Variants in LARGE1 observed in about 807,000 individuals in gnomAD.
LARGE1 encodes LARGE xylosyl- and glucuronyltransferase 1, also known as xylosyl- and glucuronyltransferase LARGE1.
In LARGE1, 43 loss-of-function variants were observed where a neutral mutation model predicts 87.6. The ratio of observed to expected loss-of-function variants is 0.49; its 90% CI spans 0.38 to 0.63. The LOEUF (loss-of-function observed/expected upper bound fraction) is 0.63. Ranked by LOEUF, LARGE1 falls within the 30% of genes least tolerant of loss-of-function variation. The pLI, the probability that LARGE1 is intolerant of heterozygous loss-of-function variation, is 0.00. For synonymous variants in LARGE1, 434 were observed against 394.6 expected (o/e 1.10, Z -1.18); for missense variants, 802 against 1,000.2 (o/e 0.80, Z 2.67).
upstream of LARGE1, among the ~76,000 whole-genome samples, chr22:33,921,318 T>C (rs2065945400): frequency 6.6e-6 from 1 of 152,032 alleles, no homozygotes; most frequent in South Asian, 2.1e-4. The surrounding 1 kb of genome is among the most constrained non-coding windows in gnomAD (Gnocchi z 4.1). Flanking sequence ...CCGCCCTTCT[T>C]CCCCCAACCC....
chr22:33,908,541 G>C lies in LARGE1; in HGVS notation c.-83+11454C>G, dbSNP rs572854507. On this transcript the variant is annotated intron_variant, in intron 1 of 14. Coordinates refer to ENST00000397394, the MANE Select transcript of LARGE1 (RefSeq NM_133642.5). ...GTTACAGATTGATGATGCATGAAAT[G>C]GGGGGTGGCCAGGGGTGGGGGGTGA... Among the ~76,000 whole-genome samples the C allele has an allele frequency of 2.0e-5, 3 of 151,338 alleles. No individual in the cohort carries two copies. The East Asian group carries it at 5.9e-4, about 30-fold the overall frequency.
intron 2 of LARGE1, among the ~76,000 whole-genome samples, chr22:33,651,242 A>AAAAAAAAAAAAAAAAAAAAAC (rs2080799831): frequency 6.9e-6 from 1 of 144,924 alleles, no homozygotes; most frequent in Non-Finnish European, 1.5e-5. Context: ...AAAAAAAAAA[A>AAAAAAAAAAAAAAAAAAAAAC]TTAGCCGGGC....
At chr22:33,198,424 A>G (rs1388558969) in intron 11 of LARGE1, among the ~76,000 whole-genome samples, 2 of 152,100 alleles carry the variant, frequency 1.3e-5, no homozygotes, top group Middle Eastern at 3.4e-3. Context: ...CTTTTATTAA[A>G]TTTTTATTTT....
At chr22:33,541,638 T>C (rs2077213292) in intron 6 of LARGE1, among the ~76,000 whole-genome samples, 2 of 152,160 alleles carry the variant, frequency 1.3e-5, no homozygotes, top group Admixed American at 6.5e-5. Flanking sequence ...GTTTTTTCCT[T>C]CACTATTACA....
intron 1 of LARGE1, among the ~76,000 whole-genome samples, chr22:33,763,537 A>T (rs1272248073): frequency 7.9e-5 from 12 of 152,214 alleles, no homozygotes; most frequent in Admixed American, 7.9e-4. Context: ...AATAAGAACC[A>T]CCAAGTCCCG....
At chr22:33,864,778 C>T (rs2064036586) in intron 1 of LARGE1, among the ~76,000 whole-genome samples, 2 of 152,208 alleles carry the variant, frequency 1.3e-5, no homozygotes, top group Middle Eastern at 3.2e-3. Flanking sequence ...CCCGTGGCCA[C>T]ATTTTTCCTC....
At chr22:33,617,050 T>C (rs949014499) in intron 4 of LARGE1, among the ~76,000 whole-genome samples, 2 of 152,230 alleles carry the variant, frequency 1.3e-5, no homozygotes, top group Non-Finnish European at 2.9e-5. Context: ...CCTGCTCTGC[T>C]TCTGTTTCTG....
At chr22:33,862,200 C>T (rs1202748748) in intron 1 of LARGE1, among the ~76,000 whole-genome samples, 2 of 152,092 alleles carry the variant, frequency 1.3e-5, no homozygotes, top group African/African-American at 4.8e-5. Flanking sequence ...CCTCTGTCCT[C>T]GAGAGCTCAC....
At chr22:33,592,567 A>G (rs2078870608) in intron 5 of LARGE1, among the ~76,000 whole-genome samples, 1 of 152,154 alleles carries the variant, frequency 6.6e-6, no homozygotes. Flanking sequence ...TGTGTTTTAA[A>G]ATGGCTGTGA....
chr22:33,371,661 TA>T (rs2064812007), intron 9 of LARGE1, among the ~76,000 whole-genome samples: 1 of 152,190 alleles, frequency 6.6e-6, no homozygotes, highest in Non-Finnish European at 1.5e-5. Flanking sequence ...GGTGAATTGT[TA>T]AAAATCAGTA....
chr22:33,222,297 G>A (rs758530083), intron 11 of LARGE1, among the ~76,000 whole-genome samples: 1 of 152,176 alleles, frequency 6.6e-6, no homozygotes, highest in Non-Finnish European at 1.5e-5. Flanking sequence ...TAGGGGTGAG[G>A]GGTCTAGAAG....
At chr22:33,918,140 T>C (rs5754757) in intron 1 of LARGE1, among the ~76,000 whole-genome samples, 126,060 of 152,152 alleles carry the variant, frequency 0.83, 52,406 homozygotes, top group East Asian at 1. Flanking sequence ...CCGAGACCTA[T>C]GATGAGATGA....
Position 33,274,733 on chromosome 22 carries a change from C to T in LARGE1, c.2074-109G>A, listed in dbSNP as rs59957248. On this transcript the variant is annotated intron_variant, in intron 14 of 14. Coordinates refer to ENST00000397394, the MANE Select transcript of LARGE1 (RefSeq NM_133642.5). ...TAGTGAATGAATGACTTGATAATGG[C>T]ACCCACAAGCAGATGGCAAAGGACA... is the stretch of plus-strand genomic sequence containing the variant. 4,384 of 939,062 alleles carry T rather than the reference C, an allele frequency of 4.7e-3. 133 individuals carry two copies. In the African/African-American group the frequency reaches 0.062, roughly 13 times the overall value. The allele number at this position is 939,062 out of a possible 1,614,324, so 58.2% of individuals were successfully genotyped here. A position where few individuals can be genotyped will look rare whatever the true frequency, so the allele number is the denominator to read the frequency against.
intron 6 of LARGE1, among the ~76,000 whole-genome samples, chr22:33,449,115 C>T (rs2067809569): frequency 6.6e-6 from 1 of 152,002 alleles, no homozygotes; most frequent in African/African-American, 2.4e-5. Context: ...GTGGTATTTC[C>T]AAGTATGGAT....
intron 6 of LARGE1, among the ~76,000 whole-genome samples, chr22:33,492,335 A>C (rs2148296466): frequency 6.6e-6 from 1 of 152,332 alleles, no homozygotes; most frequent in South Asian, 2.1e-4. Context: ...TGCTCTGTGC[A>C]CAACATTGCC....
chr22:33,699,067 C>T (rs1389184742), intron 2 of LARGE1, among the ~76,000 whole-genome samples: 7 of 152,212 alleles, frequency 4.6e-5, no homozygotes, highest in Middle Eastern at 3.2e-3. Flanking sequence ...CCTCCCAAAG[C>T]TGACCTTGAA....
chr22:33,371,087 T>C (rs1237904689), intron 9 of LARGE1, among the ~76,000 whole-genome samples: 6 of 151,192 alleles, frequency 4.0e-5, no homozygotes, highest in African/African-American at 1.5e-4. Flanking sequence ...ATATGAATAA[T>C]ACATATTATA....
intron 12 of LARGE1, among the ~76,000 whole-genome samples, chr22:33,291,194 G>A (rs2145982515): frequency 6.6e-6 from 1 of 152,270 alleles, no homozygotes; most frequent in Middle Eastern, 3.4e-3. Flanking sequence ...ACCTATGTTG[G>A]TCCACAGGAG....
In LARGE1 at chr22:33,850,945, GA is replaced by G. The variant is rs1346706438; in HGVS notation, c.-83+69049del. On this transcript the variant is annotated intron_variant, in intron 1 of 14. Coordinates refer to ENST00000397394, the MANE Select transcript of LARGE1 (RefSeq NM_133642.5). ...CCACCTGAGCAAGTCTATAGCTGCT[GA>G]ATGATAATGACAAGGTTCCTATGGC... Among the ~76,000 whole-genome samples, 5 of 152,204 alleles carry G rather than the reference GA, an allele frequency of 3.3e-5. No homozygotes were observed. In the East Asian group the frequency reaches 9.6e-4, roughly 29 times the overall value.
Sources: gnomAD v4.1 joint callset for allele counts (sites outside exome capture counted in the v4.1 genomes callset) on GRCh38, gnomAD v4.1.1 for gene constraint, Gnocchi (gnomAD v3.1) non-coding constraint, MANE v1.5 for transcripts, NCBI Gene and HGNC (gene_info 2026-07-23, HGNC 2026-07-21) for gene names.